Variants in BMPR2 observed in about 807,000 individuals in gnomAD.
BMPR2 encodes bone morphogenetic protein receptor type-2.
Under a neutral mutation model 100.8 loss-of-function variants are expected in BMPR2, and 29 were observed. That is an observed-to-expected ratio of 0.29 (90% CI 0.21 to 0.39). BMPR2 has a LOEUF of 0.39. Among genes scored for constraint, BMPR2 ranks in the 10% least tolerant of loss-of-function variants. BMPR2 has a pLI of 1.00. For missense variants in BMPR2, 1,011 were observed against 1,274.5 expected (o/e 0.79, Z 3.15); for synonymous variants, 382 against 442.3 (o/e 0.86, Z 1.71).
At chr2:202,399,552 C>G (rs1175729357) in intron 1 of BMPR2, among the ~76,000 whole-genome samples, 1 of 152,154 alleles carries the variant, frequency 6.6e-6, no homozygotes, top group Non-Finnish European at 1.5e-5. Context: ...ATAAGAAATG[C>G]TTTAGAAAGA....
At chr2:202,498,616 C>T (rs1018292531) in intron 3 of BMPR2, among the ~76,000 whole-genome samples, 3 of 152,096 alleles carry the variant, frequency 2.0e-5, no homozygotes, top group Non-Finnish European at 4.4e-5. Flanking sequence ...AAACCACGGG[C>T]GGTTTTGTCT....
At chr2:202,473,580 C>T (rs181392608) in intron 3 of BMPR2, among the ~76,000 whole-genome samples, 108 of 151,756 alleles carry the variant, frequency 7.1e-4, no homozygotes, top group Non-Finnish European at 1.3e-3. Flanking sequence ...CACTTGAGGT[C>T]AGGAGTTTGA....
At chr2:202,399,239 C>G (rs553675436) in intron 1 of BMPR2, among the ~76,000 whole-genome samples, 1 of 152,144 alleles carries the variant, frequency 6.6e-6, no homozygotes, top group South Asian at 2.1e-4. Flanking sequence ...GGGAAGGCCA[C>G]TCACATTAGA....
chr2:202,395,446 A>G (rs897014519), intron 1 of BMPR2, among the ~76,000 whole-genome samples: 1 of 152,252 alleles, frequency 6.6e-6, no homozygotes, highest in African/African-American at 2.4e-5. Flanking sequence ...TAACTGTGTT[A>G]TGATACAGAA....
rs1319038853 is a variant in BMPR2 at position 202,560,273 on chromosome 2, C to T, written c.*327C>T. 6.3e-6 allele frequency: 2 copies of T among 319,782 alleles called. No individual in the cohort carries two copies. The highest frequency in any genetic ancestry group is 1.2e-5 in the Non-Finnish European group (2 of 168,146). 19.8% of individuals were successfully genotyped at this position (319,782 alleles called of 1,614,324 possible). On this transcript the variant is annotated 3_prime_UTR_variant, in exon 13 of 13. Coordinates refer to ENST00000374580, the MANE Select transcript of BMPR2 (RefSeq NM_001204.7). ...GAAAAAAAGCAAAAACAATGTATTG[C>T]TGATAATCAGTTTGGACCAGTTTCT...
At chr2:202,423,178 C>T (rs2105925543) in intron 1 of BMPR2, among the ~76,000 whole-genome samples, 1 of 152,208 alleles carries the variant, frequency 6.6e-6, no homozygotes, top group East Asian at 1.9e-4. Context: ...TGTGAGCCAC[C>T]ATGCCCAGCT....
intron 1 of BMPR2, among the ~76,000 whole-genome samples, chr2:202,458,206 G>C (rs548621914): frequency 2.0e-5 from 3 of 147,050 alleles, no homozygotes; most frequent in Non-Finnish European, 3.0e-5. Flanking sequence ...CAGCACTTCC[G>C]GAGGCCAAGG....
At chr2:202,426,235 A>G (rs1691381322) in intron 1 of BMPR2, among the ~76,000 whole-genome samples, 1 of 152,212 alleles carries the variant, frequency 6.6e-6, no homozygotes. Context: ...CGAGCAAGAA[A>G]TAAACTTCTG....
chr2:202,407,765 A>G (rs1690931879), intron 1 of BMPR2, among the ~76,000 whole-genome samples: 1 of 151,632 alleles, frequency 6.6e-6, no homozygotes, highest in African/African-American at 2.4e-5. Context: ...AAAAACAAAA[A>G]CAAAAAAAAA....
intron 1 of BMPR2, among the ~76,000 whole-genome samples, chr2:202,414,513 A>G (rs1199010870): frequency 6.6e-6 from 1 of 152,236 alleles, no homozygotes; most frequent in East Asian, 1.9e-4. Flanking sequence ...GAAAGCCAAG[A>G]CAGGCTGAAA....
intron 1 of BMPR2, among the ~76,000 whole-genome samples, chr2:202,405,544 T>C (rs1207795194): frequency 6.6e-6 from 1 of 151,640 alleles, no homozygotes; most frequent in Non-Finnish European, 1.5e-5. Flanking sequence ...AAAAATTAGA[T>C]GGGTGTGGTG....
At chr2:202,419,069 G>C (rs554955621) in intron 1 of BMPR2, among the ~76,000 whole-genome samples, 1 of 152,156 alleles carries the variant, frequency 6.6e-6, no homozygotes, top group Non-Finnish European at 1.5e-5. Context: ...TTTGTAAGGC[G>C]TGACTCCCCA....
intron 1 of BMPR2, among the ~76,000 whole-genome samples, chr2:202,406,330 C>T (rs1404569191): frequency 6.6e-6 from 1 of 152,202 alleles, no homozygotes; most frequent in Non-Finnish European, 1.5e-5. Flanking sequence ...AGAATTAATA[C>T]AATTTTCTTT....
chr2:202,482,540 ATTT>A (rs1294071717), intron 3 of BMPR2, among the ~76,000 whole-genome samples: 1 of 138,696 alleles, frequency 7.2e-6, no homozygotes. Context: ...TGCCTGTCTA[ATTT>A]TTTTTTTTTT....
At chr2:202,395,914 G>T (rs984031249) in intron 1 of BMPR2, among the ~76,000 whole-genome samples, 3 of 152,008 alleles carry the variant, frequency 2.0e-5, no homozygotes, top group Non-Finnish European at 2.9e-5. Flanking sequence ...TCCAGCCTGG[G>T]CAACAAGAGT....
rs535512923 is a variant in BMPR2, at chr2:202,377,616, G to C, written c.76+66G>C. The C allele has an allele frequency of 7.1e-6, 11 of 1,557,198 alleles. No homozygotes were observed. In the East Asian group the frequency reaches 2.0e-4, roughly 29 times the overall value. On this transcript the variant is annotated intron_variant, in intron 1 of 12. Coordinates refer to ENST00000374580, the MANE Select transcript of BMPR2 (RefSeq NM_001204.7). ...CGGGTGGCGAGGGAGGGAGCCCGCA[G>C]AGGCCGAGGCCTGTGCTTGCCCTTC...
At position 202,503,149 on chromosome 2, in the gene BMPR2, C is replaced by T. The variant is rs939313382; in HGVS notation, c.419-10570C>T. Among the ~76,000 whole-genome samples the T allele has an allele frequency of 4.6e-5, 7 of 152,316 alleles. No homozygotes were observed. Among genetic ancestry groups the T allele is most frequent in the East Asian group, 1.9e-4 (1 of 5,182 alleles). ...CCTATCCAGCAGGAAATAGCTAGAG[C>T]GGTCATTGGCCAAATTCCCAACAGC... On this transcript the variant is annotated intron_variant, in intron 3 of 12. Transcript: ENST00000374580. This position sits in a 1 kb window ranked among gnomAD's most constrained non-coding sequence, Gnocchi z 4.0.
rs1688043780 is a variant in BMPR2 at position 202,532,272 on chromosome 2, T to C, written c.1129-313T>C. ...CTGTATTTTTGTGAATTTTAAAAAA[T>C]ATTAAGTTGTATACATATTGTTTTG... On this transcript the variant is annotated intron_variant, in intron 8 of 12. Transcript: ENST00000374580. This position sits in a 1 kb window ranked among gnomAD's most constrained non-coding sequence, Gnocchi z 4.1. Among the ~76,000 whole-genome samples the C allele has an allele frequency of 6.6e-6, 1 of 152,102 alleles. No homozygotes were observed. The highest frequency in any genetic ancestry group is 6.5e-5 in the Admixed American group (1 of 15,270).
intron 1 of BMPR2, among the ~76,000 whole-genome samples, chr2:202,445,730 A>T (rs969114242): frequency 5.4e-5 from 8 of 149,168 alleles, no homozygotes; most frequent in Non-Finnish European, 1.0e-4. Flanking sequence ...AAAGTGTTGC[A>T]ATTGCAGGCA....
Sources: allele counts gnomAD v4.1 joint callset (sites outside exome capture counted in the v4.1 genomes callset), GRCh38; gene constraint gnomAD v4.1.1; non-coding constraint Gnocchi (gnomAD v3.1); transcripts MANE v1.5; gene names NCBI Gene and HGNC (gene_info 2026-07-23, HGNC 2026-07-21).